The following ADRA1A variants were observed in gnomAD, a reference collection of about 807,000 sequenced individuals.
ADRA1A encodes alpha-1A adrenergic receptor.
ADRA1A carries 31 observed loss-of-function variants against 29.6 expected under a neutral mutation model. The ratio of observed to expected loss-of-function variants is 1.05; its 90% CI spans 0.79 to 1.41. The LOEUF is 1.41. ADRA1A is among the 40% of genes most tolerant of loss of function. The pLI is 0.00. For synonymous variants in ADRA1A, 311 were observed against 254.3 expected (o/e 1.22, Z -2.12); for missense variants, 619 against 601.1 (o/e 1.03, Z -0.31).
At chr8:26,861,649 G>A (rs1047526145) in intron 2 of ADRA1A, among the ~76,000 whole-genome samples, 1 of 152,084 alleles carries the variant, frequency 6.6e-6, no homozygotes, top group East Asian at 1.9e-4. Context: ...TCTCAACACA[G>A]TGATACAAAA....
intron 2 of ADRA1A, among the ~76,000 whole-genome samples, chr8:26,859,405 C>T (rs1184925925): frequency 6.6e-6 from 1 of 152,156 alleles, no homozygotes; most frequent in Non-Finnish European, 1.5e-5. Context: ...CAATGAACTG[C>T]TATATTCCTT....
In ADRA1A at chr8:26,808,474, T is replaced by G. The variant is rs80272663; in HGVS notation, c.884-37808A>C. Among the ~76,000 whole-genome samples the G allele has an allele frequency of 1.5e-3, 225 of 152,352 alleles. 3 individuals carry two copies. In the East Asian group the frequency reaches 0.04, roughly 27 times the overall value. ...AGCCTTTTACCTGATTGTTGATGCC[T>G]TTTCTTCTTTGGTGATCTTGGCAAT... On this transcript the variant is annotated intron_variant, in intron 2 of 2. Coordinates refer to ENST00000380573, the MANE Select transcript of ADRA1A (RefSeq NM_000680.4).
Position 26,769,644 on chromosome 8 carries a change from A to G in ADRA1A, c.*505T>C. 2.0e-6 allele frequency: 2 copies of G among 985,676 alleles called. No homozygotes were observed. The highest frequency in any genetic ancestry group is 2.4e-6 in the Non-Finnish European group (2 of 830,140). The allele number at this position is 985,676 out of a possible 1,614,324, so 61.1% of individuals were successfully genotyped here. A position where few individuals can be genotyped will look rare whatever the true frequency, so the allele number is the denominator to read the frequency against. On this transcript the variant is annotated 3_prime_UTR_variant, in exon 3 of 3. Transcript: ENST00000380573. Reference sequence around the variant, plus strand: ...GGGTGGAGTTTCAGGACTTGCTCTAAAAATAATGTGTCTGGATCTCGGCCA... The same window carrying G: ...GGGTGGAGTTTCAGGACTTGCTCTAGAAATAATGTGTCTGGATCTCGGCCA...
At chr8:26,749,770 G>A (rs1804843031) in intron 2 of ADRA1A, among the ~76,000 whole-genome samples, 2 of 152,142 alleles carry the variant, frequency 1.3e-5, no homozygotes, top group Admixed American at 6.5e-5. Context: ...AAATCAAAAA[G>A]GAATGCACAA....
At position 26,866,470 on chromosome 8, in the gene ADRA1A, G is replaced by T. The variant is rs1813914026; in HGVS notation, c.-687+466C>A. Among the ~76,000 whole-genome samples the T allele has an allele frequency of 6.6e-6, 1 of 152,138 alleles. No individual in the cohort carries two copies. The highest frequency in any genetic ancestry group is 1.5e-5 in the Non-Finnish European group (1 of 68,038). ...AAACATTAAGCCGGCATGCCAGCGG[G>T]CAGGGGCCGCCTTCGATTTTCTGGG... On this transcript the variant is annotated intron_variant, in intron 1 of 2. Coordinates refer to ENST00000380573, the MANE Select transcript of ADRA1A (RefSeq NM_000680.4). This position sits in a 1 kb window ranked among gnomAD's most constrained non-coding sequence, Gnocchi z 5.7.
Position 26,770,027 on chromosome 8 carries a change from C to T in ADRA1A, c.*122G>A, listed in dbSNP as rs1249110458. The T allele has an allele frequency of 2.0e-6, 3 of 1,478,624 alleles. No homozygotes were observed. The highest frequency in any genetic ancestry group is 1.8e-6 in the Non-Finnish European group (2 of 1,118,436). The allele number at this position is 1,478,624 out of a possible 1,614,324, so 91.6% of individuals were successfully genotyped here. A position where few individuals can be genotyped will look rare whatever the true frequency, so the allele number is the denominator to read the frequency against. On this transcript the variant is annotated 3_prime_UTR_variant, in exon 3 of 3. Transcript: ENST00000380573. ...GATGAGTTGGGTCTACCACCCACCCCATTCCCAGCAGGTCCCCTCTTTGAT... is the reference window on the plus strand; with the variant it reads ...GATGAGTTGGGTCTACCACCCACCCTATTCCCAGCAGGTCCCCTCTTTGAT...
At chr8:26,783,804 A>G (rs536195098) in intron 2 of ADRA1A, among the ~76,000 whole-genome samples, 2 of 152,352 alleles carry the variant, frequency 1.3e-5, no homozygotes, top group African/African-American at 4.8e-5. Context: ...GATAGACTGG[A>G]TAAAGAAAAT....
chr8:26,769,269 T>A lies in ADRA1A; in HGVS notation c.*880A>T. ...CTGTGCAGTAAGTGAACAGCCTCTA[T>A]CTTTGCAAGAAATTAACAGCCACAC... On this transcript the variant is annotated 3_prime_UTR_variant, in exon 3 of 3. Coordinates refer to ENST00000380573, the MANE Select transcript of ADRA1A (RefSeq NM_000680.4). The A allele has an allele frequency of 1.0e-6, 1 of 985,454 alleles. No homozygotes were observed. Among genetic ancestry groups the A allele is most frequent in the Non-Finnish European group, 1.2e-6 (1 of 829,938 alleles). The allele number at this position is 985,454 out of a possible 1,614,324, so 61.0% of individuals were successfully genotyped here.
intron 2 of ADRA1A, among the ~76,000 whole-genome samples, chr8:26,757,673 G>A (rs917767718): frequency 1.3e-5 from 2 of 152,154 alleles, no homozygotes; most frequent in Non-Finnish European, 2.9e-5. Flanking sequence ...AACGACCTCT[G>A]TTCATGATTG....
At chr8:26,810,335 C>T (rs757546717) in intron 2 of ADRA1A, among the ~76,000 whole-genome samples, 1 of 152,256 alleles carries the variant, frequency 6.6e-6, no homozygotes, top group Non-Finnish European at 1.5e-5. Flanking sequence ...TCCCTTGATC[C>T]GTCCTAAGAC....
chr8:26,788,500 A>G (rs1563253333), intron 2 of ADRA1A, among the ~76,000 whole-genome samples: 1 of 152,200 alleles, frequency 6.6e-6, no homozygotes, highest in Non-Finnish European at 1.5e-5. Flanking sequence ...TCCTAGCACC[A>G]TGAGGGTGAT....
chr8:26,836,235 G>T, intron 2 of ADRA1A: 1 of 229,990 alleles, frequency 4.3e-6, no homozygotes, highest in Non-Finnish European at 9.5e-6. Context: ...TTTTGCCAAG[G>T]TGCTGACTTC....
At chr8:26,813,742 C>T (rs1053869050) in intron 2 of ADRA1A, among the ~76,000 whole-genome samples, 4 of 151,940 alleles carry the variant, frequency 2.6e-5, no homozygotes, top group African/African-American at 9.7e-5. Flanking sequence ...CATTTTTTCT[C>T]ATTATTTTAT....
Position 26,825,142 on chromosome 8 carries a change from C to G in ADRA1A, c.883+38945G>C, listed in dbSNP as rs532731164. ...CTGCATGCTCCAGAGAGACCCCCAGCCCCCACATGTCCCACCCTGAGCTTG... is the reference window on the plus strand; with the variant it reads ...CTGCATGCTCCAGAGAGACCCCCAGGCCCCACATGTCCCACCCTGAGCTTG... On this transcript the variant is annotated intron_variant, in intron 2 of 2. Coordinates refer to ENST00000380573, the MANE Select transcript of ADRA1A (RefSeq NM_000680.4). The surrounding 1 kb of genome is among the most constrained non-coding windows in gnomAD (Gnocchi z 5.7). Among the ~76,000 whole-genome samples the G allele has an allele frequency of 2.0e-5, 3 of 152,296 alleles. No homozygotes were observed. The South Asian group carries it at 6.2e-4, about 32-fold the overall frequency.
At chr8:26,778,643 AG>A (rs1469223146) in intron 2 of ADRA1A, among the ~76,000 whole-genome samples, 1 of 152,140 alleles carries the variant, frequency 6.6e-6, no homozygotes, top group African/African-American at 2.4e-5. Flanking sequence ...TGTCCTTTGT[AG>A]GGACATGGAT....
At chr8:26,843,421 T>C (rs1427543114) in intron 2 of ADRA1A, among the ~76,000 whole-genome samples, 1 of 152,156 alleles carries the variant, frequency 6.6e-6, no homozygotes, top group Non-Finnish European at 1.5e-5. Context: ...TCAATTCCTC[T>C]CATTTGTCCA....
In ADRA1A at chr8:26,775,678, C is replaced by T. The variant is rs995852786; in HGVS notation, c.884-5012G>A. 6.6e-6 allele frequency among the ~76,000 whole-genome samples: 1 copy of T among 152,204 alleles called. No individual in the cohort carries two copies. The highest frequency in any genetic ancestry group is 1.5e-5 in the Non-Finnish European group (1 of 68,040). Reference sequence around the variant, plus strand: ...TAATTCTTGGGCTTTGGAAAATCCCCACAGCCTAAGGATTCTTCCTGTCAC... The same window carrying T: ...TAATTCTTGGGCTTTGGAAAATCCCTACAGCCTAAGGATTCTTCCTGTCAC... On this transcript the variant is annotated intron_variant, in intron 2 of 2. Coordinates refer to ENST00000380573, the MANE Select transcript of ADRA1A (RefSeq NM_000680.4). This position sits in a 1 kb window ranked among gnomAD's most constrained non-coding sequence, Gnocchi z 4.1.
intron 2 of ADRA1A, among the ~76,000 whole-genome samples, chr8:26,800,046 G>A (rs917141745): frequency 6.6e-6 from 1 of 152,094 alleles, no homozygotes; most frequent in Non-Finnish European, 1.5e-5. Context: ...ATCACTTGAG[G>A]TCAGGAGTTT....
downstream of ADRA1A, among the ~76,000 whole-genome samples, chr8:26,765,064 A>C (rs987331513): frequency 6.6e-6 from 1 of 152,234 alleles, no homozygotes; most frequent in Non-Finnish European, 1.5e-5. Context: ...TCTTTAGGGC[A>C]GTTCCTTGCT....
Sources: allele counts gnomAD v4.1 joint callset (sites outside exome capture counted in the v4.1 genomes callset), GRCh38; gene constraint gnomAD v4.1.1; non-coding constraint Gnocchi (gnomAD v3.1); transcripts MANE v1.5; gene names NCBI Gene and HGNC (gene_info 2026-07-23, HGNC 2026-07-21).